The following TUT4 variants were observed in gnomAD, a reference collection of about 807,000 sequenced individuals.
TUT4 encodes terminal uridylyltransferase 4.
A neutral mutation model predicts 192.2 loss-of-function variants in TUT4; 36 were observed. The ratio of observed to expected loss-of-function variants is 0.19; its 90% confidence interval spans 0.14 to 0.25. The LOEUF (loss-of-function observed/expected upper bound fraction) is 0.25. TUT4 is among the 10% of genes least tolerant of loss of function. The pLI, the probability that TUT4 is intolerant of heterozygous loss-of-function variation, is 1.00. For synonymous variants in TUT4, 618 were observed against 666.0 expected (o/e 0.93, Z 1.11); for missense variants, 1,493 against 1,957.2 (o/e 0.76, Z 4.47).
chr1:52,456,446 T>C (rs1044353308), intron 20 of TUT4, among the ~76,000 whole-genome samples: 19 of 62,204 alleles, frequency 3.1e-4, no homozygotes, highest in Admixed American at 1.2e-3. Context: ...AAAGATAAAA[T>C]AGATTTAGAG....
intron 1 of TUT4, among the ~76,000 whole-genome samples, chr1:52,547,377 C>CT (rs767905088): frequency 7.9e-5 from 12 of 151,692 alleles, no homozygotes; most frequent in Non-Finnish European, 1.8e-4. Context: ...GTGTCACCCA[C>CT]TAGATGATAG....
chr1:52,442,655 G>C (rs1378131558), intron 24 of TUT4, among the ~76,000 whole-genome samples: 1 of 152,150 alleles, frequency 6.6e-6, no homozygotes, highest in East Asian at 1.9e-4. Flanking sequence ...TAAATTTCAG[G>C]CTTCAGATTT....
Position 52,509,659 on chromosome 1 carries a change from G to A in TUT4, c.936C>T (p.His312=). 6.2e-7 allele frequency: 1 copy of A among 1,612,318 alleles called. No homozygotes were observed. Among genetic ancestry groups the A allele is most frequent in the Non-Finnish European group, 8.5e-7 (1 of 1,178,754 alleles). ...CRYLCKLCLI[H]IENIQGAHKH... ...TATGAGCCCCCTGGATATTTTCAATGTGAATTAAGCAAAGTTTGCATAGAT... is the reference window on the plus strand; with the variant it reads ...TATGAGCCCCCTGGATATTTTCAATATGAATTAAGCAAAGTTTGCATAGAT... The change falls in exon 4 of 30, where the codon CAC becomes CAT. Residue 312 remains histidine, a synonymous_variant. Coordinates refer to ENST00000257177, the MANE Select transcript of TUT4 (RefSeq NM_001009881.3).
At chr1:52,496,092 G>T (rs765994409) in intron 5 of TUT4, among the ~76,000 whole-genome samples, 2 of 152,038 alleles carry the variant, frequency 1.3e-5, no homozygotes, top group Non-Finnish European at 2.9e-5. Flanking sequence ...ATCATAATAA[G>T]GCAAATGTTA....
In TUT4 at chr1:52,547,821, G is replaced by A. The variant is rs185989372; in HGVS notation, c.-94+5110C>T. On this transcript the variant is annotated intron_variant, in intron 1 of 29. Transcript: ENST00000257177. ...TGTAATGTCCATAATTTCTAGAGAC[G>A]TAGCTTAGTGCTTGCCAAAGGCTTG... 5.5e-4 allele frequency among the ~76,000 whole-genome samples: 83 copies of A among 152,282 alleles called. 1 individual carries two copies. Among genetic ancestry groups the A allele is most frequent in the Non-Finnish European group, 9.4e-4 (64 of 68,014 alleles).
At position 52,431,059 on chromosome 1, in the gene TUT4, AGTACG is replaced by A. The variant is rs1557628706; in HGVS notation, c.4660_4664del (p.Arg1554CysfsTer77). ...TGTTTACCAGGGAATTTGGAGCCAC[AGTACG>A]GGGCCAGTGTCCATCGTGAGACGTG... On this transcript the variant is annotated frameshift_variant, in exon 28 of 30. Transcript: ENST00000257177. LOFTEE classifies it high-confidence loss of function. 1 of 1,604,928 alleles carries A rather than the reference AGTACG, an allele frequency of 6.2e-7. No homozygotes were observed. Among genetic ancestry groups the A allele is most frequent in the Non-Finnish European group, 8.5e-7 (1 of 1,172,596 alleles).
intron 9 of TUT4, among the ~76,000 whole-genome samples, chr1:52,486,079 G>A (rs926340892): frequency 1.3e-5 from 2 of 152,044 alleles, no homozygotes; most frequent in Non-Finnish European, 2.9e-5. Context: ...ATTAAGACAA[G>A]GGTAAACTGC....
At chr1:52,493,307 G>A (rs1054888843) in intron 7 of TUT4, among the ~76,000 whole-genome samples, 2 of 151,926 alleles carry the variant, frequency 1.3e-5, no homozygotes, top group Admixed American at 6.6e-5. Context: ...GGTCCCAAAC[G>A]CCTGACCTCA....
intron 1 of TUT4, among the ~76,000 whole-genome samples, chr1:52,539,039 T>C (rs955443505): frequency 6.6e-6 from 1 of 152,046 alleles, no homozygotes; most frequent in African/African-American, 2.4e-5. Flanking sequence ...AGTTACAGAA[T>C]CACTATTTCA....
At position 52,510,998 on chromosome 1, in the gene TUT4, T is replaced by C. The variant is rs150396351; in HGVS notation, c.883-1286A>G. 3.4e-4 allele frequency among the ~76,000 whole-genome samples: 52 copies of C among 152,354 alleles called. No individual in the cohort carries two copies. The East Asian group carries it at 9.4e-3, about 28-fold the overall frequency. ...AGCAATGCTTAGTTTTTATTTCAGA[T>C]TGATTTATGATATTCAACAGGCTTC... On this transcript the variant is annotated intron_variant, in intron 3 of 29. Transcript: ENST00000257177.
intron 26 of TUT4, among the ~76,000 whole-genome samples, chr1:52,435,674 A>G (rs1367186453): frequency 6.6e-6 from 1 of 152,132 alleles, no homozygotes; most frequent in African/African-American, 2.4e-5. Flanking sequence ...GCAGATCAAG[A>G]AAAAAAATAA....
Position 52,488,980 on chromosome 1 carries a change from A to G in TUT4, c.1444T>C (p.Leu482=), listed in dbSNP as rs376818300. 4.6e-5 allele frequency: 74 copies of G among 1,613,764 alleles called. No homozygotes were observed. The highest frequency in any genetic ancestry group is 5.8e-5 in the Non-Finnish European group (69 of 1,179,894). ...GNDMACLTTD[L]LTALGKIEPV... ...TCTATTTTGCCAAGGGCAGTAAGTA[A>G]ATCAGTAGTGAGACATGCCATATCG... Residue 482 remains leucine, a synonymous_variant, in exon 9 of 30, where the codon TTA becomes CTA. Coordinates refer to ENST00000257177, the MANE Select transcript of TUT4 (RefSeq NM_001009881.3).
chr1:52,444,891 A>G (rs1656915093), intron 24 of TUT4, among the ~76,000 whole-genome samples: 1 of 146,386 alleles, frequency 6.8e-6, no homozygotes, highest in East Asian at 2.0e-4. Context: ...AAACTCATAT[A>G]TGTGTGTATA....
chr1:52,486,068 T>C, intron 9 of TUT4, among the ~76,000 whole-genome samples: 1 of 152,148 alleles, frequency 6.6e-6, no homozygotes, highest in South Asian at 2.1e-4. Context: ...TTATCCAAAA[T>C]ATTAAGACAA....
chr1:52,457,835 T>A (rs895066299), intron 20 of TUT4, among the ~76,000 whole-genome samples: 3 of 152,186 alleles, frequency 2.0e-5, no homozygotes, highest in African/African-American at 7.2e-5. Context: ...CAATGTACAT[T>A]CTTATGTTTA....
chr1:52,429,038 ATACTT>A (rs1651035808), intron 28 of TUT4, among the ~76,000 whole-genome samples: 1 of 150,892 alleles, frequency 6.6e-6, no homozygotes, highest in South Asian at 2.1e-4. Context: ...GGTTCATTAT[ATACTT>A]TACTGTCTTT....
chr1:52,476,143 G>A (rs1192764679), intron 12 of TUT4, among the ~76,000 whole-genome samples: 1 of 151,824 alleles, frequency 6.6e-6, no homozygotes, highest in East Asian at 1.9e-4. Context: ...CTGCACCCGG[G>A]TCACAGTGTT....
At chr1:52,478,887 GGAAAA>G (rs1667772595) in intron 11 of TUT4, among the ~76,000 whole-genome samples, 3 of 152,058 alleles carry the variant, frequency 2.0e-5, no homozygotes, top group African/African-American at 7.2e-5. Context: ...CATCTTTGAG[GGAAAA>G]AACCCCAAAG....
intron 5 of TUT4, among the ~76,000 whole-genome samples, chr1:52,496,769 T>C (rs1016870713): frequency 6.6e-6 from 1 of 152,090 alleles, no homozygotes; most frequent in Admixed American, 6.5e-5. Context: ...CGCCAAGAAA[T>C]AGTTCTACAT....
Sources: gnomAD v4.1 joint callset for allele counts (sites outside exome capture counted in the v4.1 genomes callset) on GRCh38, gnomAD v4.1.1 for gene constraint, MANE v1.5 for transcripts, NCBI Gene and HGNC (gene_info 2026-07-23, HGNC 2026-07-21) for gene names.